Variants in DPP10 observed in about 807,000 individuals in gnomAD.
The protein encoded by DPP10 is dipeptidyl peptidase like 10, also known as inactive dipeptidyl peptidase 10.
A neutral mutation model predicts 120.9 loss-of-function variants in DPP10; 33 were observed. That is an observed-to-expected ratio of 0.27 (90% CI 0.21 to 0.37). DPP10 has a LOEUF of 0.37. Ranked by LOEUF, DPP10 falls within the 10% of genes least tolerant of loss-of-function variation. DPP10 has a pLI of 1.00. For missense variants in DPP10, 816 were observed against 942.8 expected (o/e 0.87, Z 1.76); for synonymous variants, 337 against 326.1 (o/e 1.03, Z -0.36).
intron 1 of DPP10, among the ~76,000 whole-genome samples, chr2:114,795,522 C>T (rs1683632397): frequency 6.6e-6 from 1 of 151,628 alleles, no homozygotes; most frequent in Non-Finnish European, 1.5e-5. Context: ...CTAGTGCTCT[C>T]AATGTGCTGA....
intron 1 of DPP10, among the ~76,000 whole-genome samples, chr2:114,966,545 G>T (rs1194393319): frequency 6.6e-6 from 1 of 152,090 alleles, no homozygotes; most frequent in Non-Finnish European, 1.5e-5. Context: ...GCAACAGGCT[G>T]ATCTTGAACT....
At chr2:115,668,231 A>G (rs1466738097) in intron 5 of DPP10, among the ~76,000 whole-genome samples, 1 of 151,778 alleles carries the variant, frequency 6.6e-6, no homozygotes, top group Non-Finnish European at 1.5e-5. Flanking sequence ...GTTCCCGCCA[A>G]CATTGATGTT....
intron 1 of DPP10, among the ~76,000 whole-genome samples, chr2:114,485,052 G>T (rs554772289): frequency 6.6e-6 from 1 of 152,044 alleles, no homozygotes; most frequent in South Asian, 2.1e-4. Context: ...GAATAAGGTT[G>T]AATTAGCTAG....
chr2:115,214,796 C>G (rs532040553), intron 1 of DPP10, among the ~76,000 whole-genome samples: 18 of 152,276 alleles, frequency 1.2e-4, no homozygotes, highest in Non-Finnish European at 1.9e-4. Flanking sequence ...ATTCCCATAC[C>G]TCTCTTCCAA....
At chr2:115,305,081 C>T (rs1275516462) in intron 1 of DPP10, among the ~76,000 whole-genome samples, 1 of 151,970 alleles carries the variant, frequency 6.6e-6, no homozygotes, top group Non-Finnish European at 1.5e-5. Flanking sequence ...ATCCATCCAC[C>T]GGGGGGCTCA....
At position 115,438,169 on chromosome 2, in the gene DPP10, A is replaced by C. The variant is rs576511848; in HGVS notation, c.272-61341A>C. Among the ~76,000 whole-genome samples the C allele has an allele frequency of 2.0e-5, 3 of 152,258 alleles. No individual in the cohort carries two copies. In the South Asian group the frequency reaches 6.2e-4, roughly 32 times the overall value. ...ACTAACCATTAGGAAAATGCAAATC[A>C]AAACCACAATGAGACACCACTTCAC... is the stretch of plus-strand genomic sequence containing the variant. On this transcript the variant is annotated intron_variant, in intron 3 of 25. Coordinates refer to ENST00000410059, the MANE Select transcript of DPP10 (RefSeq NM_020868.6).
intron 1 of DPP10, among the ~76,000 whole-genome samples, chr2:114,985,181 C>G (rs888122803): frequency 6.6e-6 from 1 of 152,160 alleles, no homozygotes; most frequent in African/African-American, 2.4e-5. Context: ...GTTTCCCCTT[C>G]AATTCTGCAA....
intron 3 of DPP10, among the ~76,000 whole-genome samples, chr2:115,408,196 C>G (rs2068672444): frequency 6.6e-6 from 1 of 152,056 alleles, no homozygotes; most frequent in African/African-American, 2.4e-5. Flanking sequence ...CCCCATCTCC[C>G]CTGCTGTCAG....
At chr2:115,603,632 GAGTA>G (rs147484680) in intron 5 of DPP10, among the ~76,000 whole-genome samples, 18,366 of 143,602 alleles carry the variant, frequency 0.13, 1,639 homozygotes, top group African/African-American at 0.27. Context: ...CAGAGAAAAG[GAGTA>G]AGTGTCAGCC....
intron 1 of DPP10, among the ~76,000 whole-genome samples, chr2:115,050,987 A>C (rs1483494565): frequency 6.6e-6 from 1 of 152,206 alleles, no homozygotes; most frequent in Non-Finnish European, 1.5e-5. Flanking sequence ...AACAATCACC[A>C]TAACAAACAG....
intron 1 of DPP10, among the ~76,000 whole-genome samples, chr2:114,920,312 A>T (rs1357174620): frequency 6.6e-6 from 1 of 152,220 alleles, no homozygotes; most frequent in African/African-American, 2.4e-5. Context: ...GTTCTAAGGA[A>T]GAATGTATAA....
chr2:114,677,328 T>C (rs1371485526), intron 1 of DPP10, among the ~76,000 whole-genome samples: 1 of 152,140 alleles, frequency 6.6e-6, no homozygotes, highest in Non-Finnish European at 1.5e-5. Flanking sequence ...CAAGTTATTA[T>C]TTTATACTTA....
intron 1 of DPP10, among the ~76,000 whole-genome samples, chr2:115,291,619 C>T (rs2060658362): frequency 6.6e-6 from 1 of 152,056 alleles, no homozygotes; most frequent in Admixed American, 6.6e-5. Context: ...TCATCACTAC[C>T]TTTATTTGAA....
chr2:115,230,626 A>G (rs187211219), intron 1 of DPP10, among the ~76,000 whole-genome samples: 5 of 152,126 alleles, frequency 3.3e-5, no homozygotes, highest in Admixed American at 6.6e-5. Flanking sequence ...AAACATTTCA[A>G]TTGTAATAAG....
chr2:114,469,603 C>T (rs1306734213), intron 1 of DPP10, among the ~76,000 whole-genome samples: 1 of 152,052 alleles, frequency 6.6e-6, no homozygotes, highest in Non-Finnish European at 1.5e-5. Flanking sequence ...TGGTGCATGC[C>T]TGTAATCCTA....
intron 21 of DPP10, among the ~76,000 whole-genome samples, chr2:115,834,144 A>G (rs1314346646): frequency 2.0e-5 from 3 of 152,226 alleles, no homozygotes; most frequent in Non-Finnish European, 4.4e-5. Context: ...TAAATATTCC[A>G]GTACCAGAAC....
chr2:115,158,133 G>T (rs946385307), intron 1 of DPP10, among the ~76,000 whole-genome samples: 1 of 152,052 alleles, frequency 6.6e-6, no homozygotes, highest in Non-Finnish European at 1.5e-5. Flanking sequence ...GTAAATTTTG[G>T]TTCTTTGGTC....
chr2:115,149,708 T>C (rs2051429070), intron 1 of DPP10, among the ~76,000 whole-genome samples: 1 of 152,226 alleles, frequency 6.6e-6, no homozygotes, highest in South Asian at 2.1e-4. Flanking sequence ...GTTTGTTTGT[T>C]TGTTTTAACA....
intron 3 of DPP10, among the ~76,000 whole-genome samples, chr2:115,462,766 GT>G (rs1288519062): frequency 6.6e-6 from 1 of 152,074 alleles, no homozygotes; most frequent in African/African-American, 2.4e-5. Context: ...GTTTCACTCT[GT>G]CACCCAGTCT....
Sources: allele counts gnomAD v4.1 joint callset (sites outside exome capture counted in the v4.1 genomes callset), GRCh38; gene constraint gnomAD v4.1.1; transcripts MANE v1.5; gene names NCBI Gene and HGNC (gene_info 2026-07-23, HGNC 2026-07-21).